BICD1: variants seen among roughly 807,000 people sequenced by gnomAD.
BICD1 encodes protein bicaudal D homolog 1.
Under a neutral mutation model 92.5 loss-of-function variants are expected in BICD1, and 35 were observed. The ratio of observed to expected loss-of-function variants is 0.38; its 90% CI spans 0.29 to 0.50. The LOEUF (loss-of-function observed/expected upper bound fraction) is 0.50. Among genes scored for constraint, BICD1 ranks in the 20% least tolerant of loss-of-function variants. The pLI is 0.93. For synonymous variants in BICD1, 429 were observed against 465.1 expected (o/e 0.92, Z 1.00); for missense variants, 950 against 1,189.8 (o/e 0.80, Z 2.97).
At position 32,219,885 on chromosome 12, in the gene BICD1, C is replaced by G. The variant is rs913231890; in HGVS notation, c.426+3426C>G. Among the ~76,000 whole-genome samples, 9 of 151,868 alleles carry G rather than the reference C, an allele frequency of 5.9e-5. No homozygotes were observed. In the South Asian group the frequency reaches 6.2e-4, roughly 11 times the overall value. On this transcript the variant is annotated intron_variant, in intron 2 of 9. Transcript: ENST00000652176. ...AACCAAAACAGCATGGTACTGGTAC[C>G]AAAACAGAGATATAGATCAATGGAA...
At chr12:32,141,652 T>G (rs1426286213) in intron 1 of BICD1, among the ~76,000 whole-genome samples, 1 of 152,152 alleles carries the variant, frequency 6.6e-6, no homozygotes, top group Non-Finnish European at 1.5e-5. Context: ...TTTTCTATTT[T>G]TAGTAGAGGT....
chr12:32,215,161 A>G (rs754562474), intron 1 of BICD1, among the ~76,000 whole-genome samples: 48 of 151,896 alleles, frequency 3.2e-4, no homozygotes, highest in Non-Finnish European at 2.6e-4. Flanking sequence ...CCCAGGAGGC[A>G]GAGGTTGCAG....
intron 2 of BICD1, among the ~76,000 whole-genome samples, chr12:32,288,576 A>G (rs1243682499): frequency 6.6e-6 from 1 of 152,080 alleles, no homozygotes; most frequent in African/African-American, 2.4e-5. Flanking sequence ...AAATTATTAT[A>G]ATAAGTTGGC....
rs143739930 is a variant in BICD1 at position 32,121,210 on chromosome 12, C to T, written c.213+13666C>T. Among the ~76,000 whole-genome samples the T allele has an allele frequency of 4.4e-3, 669 of 151,302 alleles. 12 individuals are homozygous for T. The highest frequency in any genetic ancestry group is 0.015 in the African/African-American group (632 of 41,322). On this transcript the variant is annotated intron_variant, in intron 1 of 9. Transcript: ENST00000652176. ...GTCTTGAACCTCTGACCTCATGATCCACCTGTCTCAGAGTGCTGGGAGTAC... is the reference window on the plus strand; with the variant it reads ...GTCTTGAACCTCTGACCTCATGATCTACCTGTCTCAGAGTGCTGGGAGTAC...
At chr12:32,248,866 C>T (rs1946457098) in intron 2 of BICD1, among the ~76,000 whole-genome samples, 1 of 152,204 alleles carries the variant, frequency 6.6e-6, no homozygotes, top group East Asian at 1.9e-4. Context: ...GTGCTTAAGG[C>T]ACAAATTCCT....
At chr12:32,220,491 A>G (rs893406275) in intron 2 of BICD1, among the ~76,000 whole-genome samples, 1 of 152,010 alleles carries the variant, frequency 6.6e-6, no homozygotes, top group African/African-American at 2.4e-5. Flanking sequence ...ACACATGAAA[A>G]AATGCTCACC....
intron 2 of BICD1, among the ~76,000 whole-genome samples, chr12:32,271,654 G>A (rs1006979842): frequency 2.0e-5 from 3 of 152,050 alleles, no homozygotes; most frequent in Non-Finnish European, 2.9e-5. Context: ...TCCCCATACC[G>A]TGCCTGTATA....
At chr12:32,219,435 G>C (rs1213041423) in intron 2 of BICD1, among the ~76,000 whole-genome samples, 2 of 152,142 alleles carry the variant, frequency 1.3e-5, no homozygotes, top group Non-Finnish European at 2.9e-5. Context: ...TCTGCTGAAA[G>C]TTTTAGTATT....
chr12:32,228,198 G>A, intron 2 of BICD1: 1 of 154,488 alleles, frequency 6.5e-6, no homozygotes. Context: ...GCAGGGCCTT[G>A]AGTTCGTTTT....
intron 7 of BICD1, 26 bp from the exon 8 acceptor site, chr12:32,338,760 T>A: frequency 6.4e-7 from 1 of 1,553,150 alleles, no homozygotes; most frequent in Non-Finnish European, 8.7e-7. Context: ...GTTTCCTATA[T>A]GTATTTTTCT....
At chr12:32,330,847 ATT>A (rs1937829560) in intron 5 of BICD1, among the ~76,000 whole-genome samples, 1 of 152,150 alleles carries the variant, frequency 6.6e-6, no homozygotes, top group East Asian at 1.9e-4. Context: ...AATATTAACA[ATT>A]TAGGTCTGGG....
intron 9 of BICD1, among the ~76,000 whole-genome samples, chr12:32,374,766 T>C (rs1467292118): frequency 7.4e-6 from 1 of 135,174 alleles, no homozygotes; most frequent in Non-Finnish European, 1.6e-5. Flanking sequence ...TTTGTATTTT[T>C]AGTAGAGACA....
At chr12:32,302,402 A>G (rs1565654603) in intron 3 of BICD1, among the ~76,000 whole-genome samples, 1 of 152,110 alleles carries the variant, frequency 6.6e-6, no homozygotes, top group Non-Finnish European at 1.5e-5. Context: ...GGGAGCACAC[A>G]CCAGCCTGGG....
At chr12:32,255,447 A>T (rs78698271) in intron 2 of BICD1, among the ~76,000 whole-genome samples, 7,815 of 152,244 alleles carry the variant, frequency 0.051, 235 homozygotes, top group Middle Eastern at 0.11. Context: ...TTACCTCTTA[A>T]GGTAGTAGAG....
rs781341726 is a variant in BICD1, at chr12:32,381,485, C to G, written c.*3858C>G. On this transcript the variant is annotated 3_prime_UTR_variant, in exon 10 of 10. Coordinates refer to ENST00000652176, the MANE Select transcript of BICD1 (RefSeq NM_001714.4). ...TTGAAACAAGCATGAAACATTGGTCCAATAACCTAAGAATGTGGAGATTTC... is the reference window on the plus strand; with the variant it reads ...TTGAAACAAGCATGAAACATTGGTCGAATAACCTAAGAATGTGGAGATTTC... 1 of 152,116 alleles carries G rather than the reference C, an allele frequency of 6.6e-6. No individual in the cohort carries two copies. The highest frequency in any genetic ancestry group is 2.1e-4 in the South Asian group (1 of 4,818). 9.4% of individuals were successfully genotyped at this position (152,116 alleles called of 1,614,324 possible). A position where few individuals can be genotyped will look rare whatever the true frequency, so the allele number is the denominator to read the frequency against.
At chr12:32,276,234 C>T (rs146257596) in intron 2 of BICD1, among the ~76,000 whole-genome samples, 32 of 152,214 alleles carry the variant, frequency 2.1e-4, no homozygotes, top group East Asian at 1.5e-3. Flanking sequence ...GGCACCCTTC[C>T]GGAGGAAATC....
intron 1 of BICD1, among the ~76,000 whole-genome samples, chr12:32,131,720 C>T (rs1056147263): frequency 5.3e-5 from 8 of 152,126 alleles, no homozygotes; most frequent in Admixed American, 3.9e-4. Context: ...AATTCCTGAT[C>T]GTAAATAAGA....
chr12:32,155,814 C>A (rs370986149), intron 1 of BICD1, among the ~76,000 whole-genome samples: 17 of 152,180 alleles, frequency 1.1e-4, no homozygotes, highest in African/African-American at 3.6e-4. Flanking sequence ...GATTTATAAT[C>A]TTTTAAAGTT....
At chr12:32,142,360 C>G (rs540532036) in intron 1 of BICD1, among the ~76,000 whole-genome samples, 1 of 127,826 alleles carries the variant, frequency 7.8e-6, no homozygotes, top group Non-Finnish European at 1.6e-5. Context: ...GAGCTGAGAT[C>G]GTGTCACCAC....
Sources: gnomAD v4.1 joint callset for allele counts (sites outside exome capture counted in the v4.1 genomes callset) on GRCh38, gnomAD v4.1.1 for gene constraint, MANE v1.5 for transcripts, NCBI Gene and HGNC (gene_info 2026-07-23, HGNC 2026-07-21) for gene names.